PPARGC1A: variants seen among roughly 807,000 people sequenced by gnomAD.
PPARGC1A encodes peroxisome proliferator-activated receptor gamma coactivator 1-alpha.
PPARGC1A carries 25 observed loss-of-function variants against 88.7 expected under a neutral mutation model. The observed-to-expected ratio is 0.28, with a 90% CI of 0.21 to 0.39. PPARGC1A has a LOEUF of 0.39. Among genes scored for constraint, PPARGC1A ranks in the 10% least tolerant of loss-of-function variants. The probability of loss-of-function intolerance (pLI) is 1.00; values close to 1 mark genes in which losing one functional copy is unlikely to be tolerated. For synonymous variants in PPARGC1A, 363 were observed against 355.6 expected, an observed-to-expected ratio of 1.02 and a Z score of -0.24; for missense variants, 880 against 968.7, an observed-to-expected ratio of 0.91 and a Z score of 1.22.
the PPARGC1A span, among the ~76,000 whole-genome samples, chr4:24,049,205 CAT>C: frequency 1.3e-3 from 12 of 9,012 alleles, no homozygotes; most frequent in Admixed American, 5.1e-3. Flanking sequence ...TATATACACA[CAT>C]ATATATAAAT....
the PPARGC1A span, among the ~76,000 whole-genome samples, chr4:24,235,241 G>A: frequency 6.7e-4 from 102 of 152,340 alleles, no homozygotes; most frequent in African/African-American, 2.2e-3. Flanking sequence ...GAAGACCTCA[G>A]TAAAAAACGT....
At chr4:24,158,530 C>A in the PPARGC1A span, among the ~76,000 whole-genome samples, 1 of 152,090 alleles carries the variant, frequency 6.6e-6, no homozygotes, top group Non-Finnish European at 1.5e-5. Context: ...CACTGGTGAG[C>A]TTTTACAGGC....
At chr4:24,109,230 A>G in the PPARGC1A span, among the ~76,000 whole-genome samples, 1 of 150,014 alleles carries the variant, frequency 6.7e-6, no homozygotes, top group Non-Finnish European at 1.5e-5. Context: ...TTAAAATTTC[A>G]CATTTCCCCA....
At chr4:24,010,280 C>T in the PPARGC1A span, among the ~76,000 whole-genome samples, 1 of 152,068 alleles carries the variant, frequency 6.6e-6, no homozygotes, top group Non-Finnish European at 1.5e-5. Flanking sequence ...TATTCCAGTA[C>T]CTAGAACACA....
chr4:23,964,269 C>T, the PPARGC1A span, among the ~76,000 whole-genome samples: 1 of 152,124 alleles, frequency 6.6e-6, no homozygotes, highest in African/African-American at 2.4e-5. Flanking sequence ...AGTTTTAGAA[C>T]CAGAATTCAA....
intron 2 of PPARGC1A, among the ~76,000 whole-genome samples, chr4:23,877,241 G>C (rs1714895450): frequency 6.6e-6 from 1 of 151,834 alleles, no homozygotes; most frequent in Non-Finnish European, 1.5e-5. Context: ...AGGAGGCCGG[G>C]TGCAGTGGCT....
the PPARGC1A span, among the ~76,000 whole-genome samples, chr4:24,365,941 C>A: frequency 6.6e-6 from 1 of 152,064 alleles, no homozygotes; most frequent in African/African-American, 2.4e-5. Context: ...TTTAGAACAG[C>A]CAGATCACTT....
the PPARGC1A span, among the ~76,000 whole-genome samples, chr4:24,168,182 C>A: frequency 6.6e-6 from 1 of 152,122 alleles, no homozygotes; most frequent in Non-Finnish European, 1.5e-5. Context: ...AGTTAATGTG[C>A]TTTATCGCCA....
chr4:24,013,660 C>T, the PPARGC1A span, among the ~76,000 whole-genome samples: 1 of 152,146 alleles, frequency 6.6e-6, no homozygotes, highest in Non-Finnish European at 1.5e-5. Flanking sequence ...GAATTCTGTC[C>T]TTACTCTCCT....
the PPARGC1A span, among the ~76,000 whole-genome samples, chr4:24,061,439 C>G: frequency 0.89 from 136,126 of 152,198 alleles, 60,933 homozygotes; most frequent in Admixed American, 0.94. Context: ...AACCATCCTG[C>G]TTCTACTTCC....
At chr4:24,198,705 G>A in the PPARGC1A span, among the ~76,000 whole-genome samples, 14 of 152,286 alleles carry the variant, frequency 9.2e-5, no homozygotes, top group Admixed American at 6.5e-5. Context: ...TTGAGTTGTG[G>A]TTCAGGGAAG....
chr4:24,301,965 C>T, the PPARGC1A span, among the ~76,000 whole-genome samples: 1 of 152,112 alleles, frequency 6.6e-6, no homozygotes, highest in Non-Finnish European at 1.5e-5. Flanking sequence ...GCATGCTGCT[C>T]TTGAAATTAA....
chr4:24,311,588 C>G, the PPARGC1A span, among the ~76,000 whole-genome samples: 2 of 151,776 alleles, frequency 1.3e-5, no homozygotes, highest in East Asian at 4.0e-4. Flanking sequence ...TGCAGTGAGC[C>G]AAGATCACAC....
the PPARGC1A span, among the ~76,000 whole-genome samples, chr4:24,322,948 C>T: frequency 6.6e-6 from 1 of 151,370 alleles, no homozygotes; most frequent in African/African-American, 2.4e-5. Context: ...GTATTATCTA[C>T]ATTGTCTTCG....
At chr4:24,060,008 G>GCAGGCAC in the PPARGC1A span, among the ~76,000 whole-genome samples, 2 of 152,164 alleles carry the variant, frequency 1.3e-5, no homozygotes, top group South Asian at 4.1e-4. Context: ...GGACGTCACA[G>GCAGGCAC]CAGGCACCAG....
the PPARGC1A span, among the ~76,000 whole-genome samples, chr4:24,366,654 T>A: frequency 6.6e-6 from 1 of 152,166 alleles, no homozygotes; most frequent in Non-Finnish European, 1.5e-5. Flanking sequence ...AAACAGATGC[T>A]ACTCAAAAAA....
chr4:23,864,303 C>T (rs559703010), intron 2 of PPARGC1A, among the ~76,000 whole-genome samples: 23 of 152,270 alleles, frequency 1.5e-4, no homozygotes, highest in East Asian at 3.9e-4. Flanking sequence ...TTGTGTCACC[C>T]GGGTAAGTCT....
the PPARGC1A span, among the ~76,000 whole-genome samples, chr4:23,913,245 TA>T: frequency 5.4e-5 from 2 of 36,710 alleles, no homozygotes; most frequent in East Asian, 1.4e-3. Context: ...ATATATTTTA[TA>T]TATATATATA....
At chr4:24,229,584 A>T in the PPARGC1A span, among the ~76,000 whole-genome samples, 1 of 151,200 alleles carries the variant, frequency 6.6e-6, no homozygotes, top group East Asian at 2.0e-4. Context: ...TGTAATCCCA[A>T]CACTTTGGGA....
Sources: allele counts gnomAD v4.1 joint callset (sites outside exome capture counted in the v4.1 genomes callset), GRCh38; gene constraint gnomAD v4.1.1; transcripts MANE v1.5; gene names NCBI Gene and HGNC (gene_info 2026-07-23, HGNC 2026-07-21).